The following KYNU variants were observed in gnomAD, a reference collection of about 807,000 sequenced individuals.
KYNU encodes the protein L-kynurenine hydrolase.
Under a neutral mutation model 59.2 loss-of-function variants are expected in KYNU, and 54 were observed. That is an observed-to-expected ratio of 0.91 (90% CI 0.73 to 1.14). KYNU has a LOEUF of 1.14. Among genes scored for constraint, KYNU ranks in the 50% most tolerant of loss-of-function variants. The pLI is 0.00. For missense variants in KYNU, 567 were observed against 554.4 expected (o/e 1.02, Z -0.23); for synonymous variants, 177 against 192.0 (o/e 0.92, Z 0.65).
intron 2 of KYNU, among the ~76,000 whole-genome samples, chr2:142,916,859 CAT>C (rs1369601886): frequency 2.6e-5 from 4 of 152,128 alleles, no homozygotes; most frequent in Non-Finnish European, 4.4e-5. Context: ...ACTAACAGGA[CAT>C]GTGTTAATCA....
intron 10 of KYNU, among the ~76,000 whole-genome samples, chr2:143,006,303 C>T (rs1172808380): frequency 6.6e-6 from 1 of 151,816 alleles, no homozygotes; most frequent in Non-Finnish European, 1.5e-5. Context: ...ACGGACGCAC[C>T]TGGAAAATCG....
intron 10 of KYNU, among the ~76,000 whole-genome samples, chr2:142,994,511 TC>T (rs1361691824): frequency 6.6e-6 from 1 of 152,104 alleles, no homozygotes; most frequent in Non-Finnish European, 1.5e-5. Flanking sequence ...CCCATATCAG[TC>T]CCTGCTCCAA....
In KYNU at chr2:142,904,999, G is replaced by T. The variant is rs547885254; in HGVS notation, c.170-13610G>T. Among the ~76,000 whole-genome samples, 1,221 of 152,204 alleles carry T rather than the reference G, an allele frequency of 8.0e-3. 5 individuals are homozygous for T. Among genetic ancestry groups the T allele is most frequent in the Non-Finnish European group, 0.014 (928 of 68,016 alleles). Reference sequence around the variant, plus strand: ...GTTCCTGAGTCTTTCATAACAACCTGGCTGCCCATCAAGATGCATTCCCAT... The same window carrying T: ...GTTCCTGAGTCTTTCATAACAACCTTGCTGCCCATCAAGATGCATTCCCAT... On this transcript the variant is annotated intron_variant, in intron 2 of 13. Coordinates refer to ENST00000264170, the MANE Select transcript of KYNU (RefSeq NM_003937.3).
chr2:143,019,393 A>G (rs570038792), intron 10 of KYNU, among the ~76,000 whole-genome samples: 21 of 152,280 alleles, frequency 1.4e-4, no homozygotes, highest in African/African-American at 4.6e-4. Flanking sequence ...TGAAATTATC[A>G]TAAGGTTTTT....
intron 10 of KYNU, among the ~76,000 whole-genome samples, chr2:142,992,329 G>C (rs994245550): frequency 5.9e-5 from 9 of 151,588 alleles, no homozygotes; most frequent in Admixed American, 2.6e-4. Context: ...TGCTGAGAAA[G>C]TTAAGTATAC....
Position 142,983,039 on chromosome 2 carries a change from T to G in KYNU, c.730-2045T>G, listed in dbSNP as rs567563594. On this transcript the variant is annotated intron_variant, in intron 8 of 13. Coordinates refer to ENST00000264170, the MANE Select transcript of KYNU (RefSeq NM_003937.3). ...TGTAACAAATCATCTTGAAACTTGT[T>G]GTCTTAAAACAATAACCATTGATTT... is the stretch of plus-strand genomic sequence containing the variant. Among the ~76,000 whole-genome samples the G allele has an allele frequency of 2.6e-5, 4 of 152,148 alleles. No homozygotes were observed. In the East Asian group the frequency reaches 5.8e-4, roughly 22 times the overall value.
Position 143,052,638 on chromosome 2 carries a change from A to G in KYNU, c.*10466A>G, listed in dbSNP as rs1382241086. The G allele has an allele frequency of 6.6e-6, 1 of 152,238 alleles. No homozygotes were observed. The highest frequency in any genetic ancestry group is 2.4e-5 in the African/African-American group (1 of 41,454). 9.4% of individuals were successfully genotyped at this position (152,238 alleles called of 1,614,324 possible). A position where few individuals can be genotyped will look rare whatever the true frequency, so the allele number is the denominator to read the frequency against. On this transcript the variant is annotated 3_prime_UTR_variant, in exon 14 of 14. Transcript: ENST00000264170. ...GAAGCCCCAAGTCTTGGCAGCTTCCATATGGTGTTGAGCCTGGGTTCACAG... is the reference window on the plus strand; with the variant it reads ...GAAGCCCCAAGTCTTGGCAGCTTCCGTATGGTGTTGAGCCTGGGTTCACAG...
intron 2 of KYNU, among the ~76,000 whole-genome samples, chr2:142,912,972 A>G (rs1245250910): frequency 2.0e-5 from 3 of 151,754 alleles, no homozygotes; most frequent in Non-Finnish European, 4.4e-5. Context: ...TCAGCTCCCA[A>G]AGTGCTGGGA....
chr2:143,009,405 G>T lies in KYNU; in HGVS notation c.903-20222G>T, dbSNP rs1329099707. 1.5e-4 allele frequency among the ~76,000 whole-genome samples: 10 copies of T among 65,918 alleles called. 1 individual carries two copies. The East Asian group carries it at 4.4e-3, about 29-fold the overall frequency. The allele number at this position is 65,918 out of a possible 152,430, so 43.2% of individuals were successfully genotyped here. A position where few individuals can be genotyped will look rare whatever the true frequency, so the allele number is the denominator to read the frequency against. Reference sequence around the variant, plus strand: ...TAGACCAATAACAGGAGCTGAAATTGTGGCAATAATCAATAGTTTACCAAC... The same window carrying T: ...TAGACCAATAACAGGAGCTGAAATTTTGGCAATAATCAATAGTTTACCAAC... On this transcript the variant is annotated intron_variant, in intron 10 of 13. Coordinates refer to ENST00000264170, the MANE Select transcript of KYNU (RefSeq NM_003937.3).
intron 2 of KYNU, among the ~76,000 whole-genome samples, chr2:142,899,823 A>T (rs559751832): frequency 6.6e-6 from 1 of 152,330 alleles, no homozygotes; most frequent in Admixed American, 6.5e-5. Flanking sequence ...TCTTTGGCAC[A>T]CGTCACAGGC....
intron 4 of KYNU, among the ~76,000 whole-genome samples, chr2:142,948,431 A>C (rs1427757031): frequency 6.6e-6 from 1 of 152,232 alleles, no homozygotes. Context: ...GCCACTGATG[A>C]AGACATACCC....
At chr2:143,037,573 T>C (rs575033839) in intron 12 of KYNU, among the ~76,000 whole-genome samples, 13 of 152,246 alleles carry the variant, frequency 8.5e-5, no homozygotes, top group African/African-American at 1.4e-4. Context: ...AATATGACAA[T>C]TGAAAACATC....
chr2:143,029,606 A>G (rs1364194969), intron 10 of KYNU, 21 bp from the exon 11 acceptor site: 1 of 1,570,656 alleles, frequency 6.4e-7, no homozygotes. Flanking sequence ...CAAAAACCTA[A>G]TGTTTTTATT....
In KYNU at chr2:142,960,709, T is replaced by C. The variant is rs756530181; in HGVS notation, c.668T>C (p.Val223Ala). The C allele has an allele frequency of 7.4e-6, 12 of 1,613,788 alleles. No homozygotes were observed. The highest frequency in any genetic ancestry group is 1.0e-5 in the Non-Finnish European group (12 of 1,179,836). The stretch of plus-strand genomic sequence containing the variant: ...ATTGCAGTGATCCTGTTCAGTGGGG[T>C]GCATTTTTACACTGGACAGCACTTT... ...DSIAVILFSG[V>A]HFYTGQHFNI... is the part of the protein sequence containing the mutation. The change falls in exon 8 of 14, where the codon GTG (valine) becomes GCG (alanine). Residue 223 changes from valine to alanine, a missense_variant. Coordinates refer to ENST00000264170, the MANE Select transcript of KYNU (RefSeq NM_003937.3).
chr2:142,884,081 G>A (rs4662304), intron 1 of KYNU, among the ~76,000 whole-genome samples: 79,640 of 152,052 alleles, frequency 0.52, 21,415 homozygotes, highest in South Asian at 0.68. Flanking sequence ...AGTTTAAAAC[G>A]TATGTGATTA....
At chr2:143,041,293 A>C (rs145623886) in intron 13 of KYNU, among the ~76,000 whole-genome samples, 7 of 152,144 alleles carry the variant, frequency 4.6e-5, no homozygotes, top group African/African-American at 1.4e-4. Context: ...TGCTTGGCTC[A>C]TGTTTACCTG....
chr2:142,878,634 C>T (rs1209935634), intron 1 of KYNU, among the ~76,000 whole-genome samples: 1 of 152,100 alleles, frequency 6.6e-6, no homozygotes, highest in Non-Finnish European at 1.5e-5. Flanking sequence ...CTATTTAGCC[C>T]TAAATCAGTG....
chr2:142,993,421 C>A (rs1685457742), intron 10 of KYNU, among the ~76,000 whole-genome samples: 1 of 151,976 alleles, frequency 6.6e-6, no homozygotes, highest in Admixed American at 6.6e-5. Flanking sequence ...TCCCTTCGCT[C>A]TGGGAACACA....
chr2:143,010,755 C>T (rs1159125174), intron 10 of KYNU, among the ~76,000 whole-genome samples: 1 of 147,826 alleles, frequency 6.8e-6, no homozygotes, highest in Non-Finnish European at 1.5e-5. Context: ...ATAAATAATG[C>T]CGCATACCTA....
Sources: allele counts gnomAD v4.1 joint callset (sites outside exome capture counted in the v4.1 genomes callset), GRCh38; gene constraint gnomAD v4.1.1; transcripts MANE v1.5; gene names NCBI Gene and HGNC (gene_info 2026-07-23, HGNC 2026-07-21).